The following CNTN4 variants were observed in gnomAD, a reference collection of about 807,000 sequenced individuals.
CNTN4 encodes the protein contactin-4.
CNTN4 carries 77 observed loss-of-function variants against 122.5 expected under a neutral mutation model. The ratio of observed to expected loss-of-function variants is 0.63; its 90% CI spans 0.52 to 0.76. The LOEUF (loss-of-function observed/expected upper bound fraction) is 0.76, where lower values mean the gene tolerates loss of function less well. Ranked by LOEUF, CNTN4 falls within the 30% of genes least tolerant of loss-of-function variation. The pLI is 0.00. For missense variants in CNTN4, 1,256 were observed against 1,259.1 expected, an observed-to-expected ratio of 1.00 and a Z score of 0.04; for synonymous variants, 512 against 447.0, an observed-to-expected ratio of 1.15 and a Z score of -1.83.
chr3:2,766,246 C>T (rs1038925216), intron 6 of CNTN4, among the ~76,000 whole-genome samples: 5 of 152,190 alleles, frequency 3.3e-5, no homozygotes, highest in African/African-American at 1.2e-4. Flanking sequence ...ATAATTTTAT[C>T]TATAAGTCTA....
intron 2 of CNTN4, among the ~76,000 whole-genome samples, chr3:2,257,177 A>G (rs2040631654): frequency 6.6e-6 from 1 of 152,216 alleles, no homozygotes; most frequent in South Asian, 2.1e-4. Context: ...TGAGAAAGAC[A>G]AGCAATGGGG....
intron 4 of CNTN4, among the ~76,000 whole-genome samples, chr3:2,644,965 T>C (rs1244502202): frequency 6.6e-6 from 1 of 151,266 alleles, no homozygotes; most frequent in Non-Finnish European, 1.5e-5. Context: ...CAAAACTCAT[T>C]TGCCTAAACT....
At chr3:2,702,639 A>C (rs1361497780) in intron 4 of CNTN4, among the ~76,000 whole-genome samples, 1 of 152,202 alleles carries the variant, frequency 6.6e-6, no homozygotes, top group African/African-American at 2.4e-5. Context: ...AAAGTGTTCT[A>C]GGACATCTTT....
At chr3:2,630,865 G>C (rs886967767) in intron 4 of CNTN4, among the ~76,000 whole-genome samples, 1 of 152,042 alleles carries the variant, frequency 6.6e-6, no homozygotes, top group African/African-American at 2.4e-5. Context: ...ATTTACCTGG[G>C]TGAAGACAGG....
rs1024321199 is a variant in CNTN4, at chr3:2,169,481, A to C, written c.-145+68842A>C. On this transcript the variant is annotated intron_variant, in intron 2 of 24. Coordinates refer to ENST00000418658, the MANE Select transcript of CNTN4 (RefSeq NM_175607.3). ...GAGTGCGGTGGCGCGATCTCGGCTC[A>C]CTGCAAGCTCCGCCTCCCGGGTTCC... is the stretch of plus-strand genomic sequence containing the variant. Among the ~76,000 whole-genome samples, 13 of 151,950 alleles carry C rather than the reference A, an allele frequency of 8.6e-5. No homozygotes were observed. The South Asian group carries it at 1.7e-3, about 19-fold the overall frequency.
chr3:2,857,735 AACCACC>A (rs2150739863), intron 7 of CNTN4, among the ~76,000 whole-genome samples: 1 of 152,264 alleles, frequency 6.6e-6, no homozygotes, highest in East Asian at 1.9e-4. Context: ...TACAGGTGTG[AACCACC>A]ATACCCAGCT....
intron 7 of CNTN4, among the ~76,000 whole-genome samples, chr3:2,821,227 G>A (rs1376787888): frequency 6.6e-6 from 1 of 151,998 alleles, no homozygotes; most frequent in East Asian, 1.9e-4. Context: ...AAAGTGCTGG[G>A]ATTACAGGCA....
chr3:2,206,871 A>G (rs1162394887), intron 2 of CNTN4, among the ~76,000 whole-genome samples: 4 of 130,700 alleles, frequency 3.1e-5, no homozygotes, highest in Admixed American at 7.8e-5. Flanking sequence ...CACTTCGCAG[A>G]TACTGCTTTT....
At chr3:2,642,194 T>A (rs1211825850) in intron 4 of CNTN4, among the ~76,000 whole-genome samples, 4 of 151,980 alleles carry the variant, frequency 2.6e-5, no homozygotes, top group Admixed American at 2.6e-4. Context: ...GGTCCAAGAG[T>A]AGAACTTGCA....
chr3:2,811,858 G>A (rs771775872), intron 6 of CNTN4, among the ~76,000 whole-genome samples: 4 of 152,000 alleles, frequency 2.6e-5, no homozygotes, highest in Non-Finnish European at 5.9e-5. Flanking sequence ...TAGAGACAGG[G>A]TTTCCCCGTG....
At chr3:2,271,873 C>A (rs2041313013) in intron 2 of CNTN4, among the ~76,000 whole-genome samples, 1 of 152,014 alleles carries the variant, frequency 6.6e-6, no homozygotes, top group African/African-American at 2.4e-5. Context: ...TCATTACTTT[C>A]TATATCAGAA....
chr3:2,590,312 A>G (rs2080407470), intron 4 of CNTN4, among the ~76,000 whole-genome samples: 1 of 152,156 alleles, frequency 6.6e-6, no homozygotes, highest in Admixed American at 6.6e-5. Flanking sequence ...GCTGGAGTGC[A>G]GTGGCACGAT....
chr3:2,375,807 A>G (rs3856839), intron 3 of CNTN4, among the ~76,000 whole-genome samples: 101,191 of 151,976 alleles, frequency 0.67, 34,484 homozygotes, highest in East Asian at 0.86. Context: ...TCTAAGAATA[A>G]CATCATAAAT....
At chr3:2,901,634 G>A (rs1449900946) in intron 11 of CNTN4, among the ~76,000 whole-genome samples, 1 of 152,210 alleles carries the variant, frequency 6.6e-6, no homozygotes, top group Non-Finnish European at 1.5e-5. Flanking sequence ...AAATGCCAGG[G>A]AGTTGGTCTA....
At chr3:2,844,875 T>A (rs1236371391) in intron 7 of CNTN4, among the ~76,000 whole-genome samples, 1 of 152,202 alleles carries the variant, frequency 6.6e-6, no homozygotes, top group Non-Finnish European at 1.5e-5. Context: ...CCGTAATGCA[T>A]AATGACTGTT....
intron 3 of CNTN4, among the ~76,000 whole-genome samples, chr3:2,427,226 T>C (rs961659540): frequency 2.0e-5 from 3 of 152,220 alleles, no homozygotes; most frequent in Non-Finnish European, 4.4e-5. Context: ...TAAATTTCCC[T>C]CTACACACTG....
At chr3:2,124,812 T>C (rs1384355029) in intron 2 of CNTN4, among the ~76,000 whole-genome samples, 2 of 150,650 alleles carry the variant, frequency 1.3e-5, no homozygotes, top group African/African-American at 2.4e-5. Flanking sequence ...GTGTAGTTGA[T>C]GTACAAAAAT....
intron 2 of CNTN4, among the ~76,000 whole-genome samples, chr3:2,189,835 C>G (rs189512806): frequency 6.6e-6 from 1 of 152,172 alleles, no homozygotes; most frequent in Non-Finnish European, 1.5e-5. Flanking sequence ...GTTACTCTCT[C>G]GTCAGTAGCC....
intron 3 of CNTN4, among the ~76,000 whole-genome samples, chr3:2,452,087 A>C (rs1287252797): frequency 6.6e-6 from 1 of 152,216 alleles, no homozygotes; most frequent in Non-Finnish European, 1.5e-5. Flanking sequence ...AATGGAAAAG[A>C]ATAACCCTAT....
Sources: gnomAD v4.1 joint callset for allele counts (sites outside exome capture counted in the v4.1 genomes callset) on GRCh38, gnomAD v4.1.1 for gene constraint, MANE v1.5 for transcripts, NCBI Gene and HGNC (gene_info 2026-07-23, HGNC 2026-07-21) for gene names.